Variants in PTPRN2 observed in about 807,000 individuals in gnomAD.
PTPRN2 encodes protein tyrosine phosphatase receptor type N2.
PTPRN2 carries 74 observed loss-of-function variants against 118.8 expected under a neutral mutation model. The ratio of observed to expected loss-of-function variants is 0.62; its 90% confidence interval spans 0.52 to 0.76. The LOEUF is 0.76. PTPRN2 is among the 30% of genes least tolerant of loss of function. The pLI, the probability that PTPRN2 is intolerant of heterozygous loss-of-function variation, is 0.00. For synonymous variants in PTPRN2, 641 were observed against 608.0 expected (o/e 1.05, Z -0.80); for missense variants, 1,481 against 1,394.4 (o/e 1.06, Z -0.99).
intron 2 of PTPRN2, among the ~76,000 whole-genome samples, chr7:158,469,523 G>A (rs760134904): frequency 4.1e-4 from 62 of 152,178 alleles, no homozygotes; most frequent in Non-Finnish European, 7.8e-4. Flanking sequence ...TAGTTCTTTT[G>A]CATCTTTTTA....
chr7:157,920,712 T>C (rs1371181446), intron 11 of PTPRN2, among the ~76,000 whole-genome samples: 1 of 152,230 alleles, frequency 6.6e-6, no homozygotes, highest in Non-Finnish European at 1.5e-5. Context: ...GCTGGACCAA[T>C]GGGATACTCA....
In PTPRN2 at chr7:158,337,002, C is replaced by A. The variant is rs538698510; in HGVS notation, c.164-20070G>T. Among the ~76,000 whole-genome samples the A allele has an allele frequency of 6.2e-5, 5 of 80,164 alleles. No homozygotes were observed. The Admixed American group carries it at 6.9e-4, about 11-fold the overall frequency. 52.6% of individuals were successfully genotyped at this position (80,164 alleles called of 152,430 possible). On this transcript the variant is annotated intron_variant, in intron 2 of 22. Coordinates refer to ENST00000389418, the MANE Select transcript of PTPRN2 (RefSeq NM_002847.5). ...GATGCCCGCAGACGTCACTCACACC[C>A]ACACTCTCACCATAAGAGCTGTCAC...
At chr7:158,130,757 ACATACT>A (rs1818142770) in intron 9 of PTPRN2, among the ~76,000 whole-genome samples, 5 of 149,396 alleles carry the variant, frequency 3.3e-5, no homozygotes, top group Admixed American at 2.0e-4. Flanking sequence ...CATCTACCTG[ACATACT>A]CATATACATA....
At chr7:158,566,873 A>G (rs112261213) in intron 1 of PTPRN2, among the ~76,000 whole-genome samples, 2,175 of 152,100 alleles carry the variant, frequency 0.014, 50 homozygotes, top group African/African-American at 0.05. Flanking sequence ...CCGCTACCAC[A>G]CCAAGCAAAT....
intron 9 of PTPRN2, among the ~76,000 whole-genome samples, chr7:158,122,806 C>T (rs959415949): frequency 6.6e-6 from 1 of 152,218 alleles, no homozygotes; most frequent in African/African-American, 2.4e-5. Context: ...CGTAGGTGCC[C>T]AGAAAGGTGG....
chr7:158,321,631 T>C (rs1803023999), intron 2 of PTPRN2, among the ~76,000 whole-genome samples: 1 of 152,212 alleles, frequency 6.6e-6, no homozygotes, highest in Non-Finnish European at 1.5e-5. Context: ...GGGCATTCCA[T>C]GCGCAACCTT....
chr7:157,563,818 C>T (rs1413923063), intron 21 of PTPRN2, among the ~76,000 whole-genome samples: 2 of 151,930 alleles, frequency 1.3e-5, no homozygotes, highest in South Asian at 2.1e-4. Flanking sequence ...CCACGTGCTC[C>T]CACGTCACCA....
intron 12 of PTPRN2, among the ~76,000 whole-genome samples, chr7:157,727,765 G>GT (rs1799681056): frequency 6.6e-6 from 1 of 152,240 alleles, no homozygotes; most frequent in Non-Finnish European, 1.5e-5. Flanking sequence ...CACGTAAAGT[G>GT]TGAGGCGTGA....
chr7:157,606,374 C>T lies in PTPRN2; in HGVS notation c.2345-2299G>A, dbSNP rs538007814. On this transcript the variant is annotated intron_variant, in intron 15 of 22. Transcript: ENST00000389418. ...GGGGTGGGGGTGGGGTCCTGCCTGC[C>T]GCGTGGAACAGGATGCCCAGGTTAC... Among the ~76,000 whole-genome samples the T allele has an allele frequency of 2.8e-4, 42 of 152,292 alleles. No homozygotes were observed. The South Asian group carries it at 4.8e-3, about 17-fold the overall frequency.
rs114472232 is a variant in PTPRN2, at chr7:158,276,225, T to C, written c.277+40594A>G. On this transcript the variant is annotated intron_variant, in intron 3 of 22. Coordinates refer to ENST00000389418, the MANE Select transcript of PTPRN2 (RefSeq NM_002847.5). Reference sequence around the variant, plus strand: ...GCCCTGGCCCCGGCAGGCTGTAAGGTAGCACCCCCACATCCCGGTCCTGGT... The same window carrying C: ...GCCCTGGCCCCGGCAGGCTGTAAGGCAGCACCCCCACATCCCGGTCCTGGT... 2.5e-3 allele frequency among the ~76,000 whole-genome samples: 182 copies of C among 73,438 alleles called. 5 individuals are homozygous for C. Among genetic ancestry groups the C allele is most frequent in the African/African-American group, 7.1e-3 (146 of 20,672 alleles). The allele number at this position is 73,438 out of a possible 152,430, so 48.2% of individuals were successfully genotyped here.
At chr7:158,274,912 G>C (rs1012555074) in intron 3 of PTPRN2, among the ~76,000 whole-genome samples, 9 of 152,200 alleles carry the variant, frequency 5.9e-5, no homozygotes, top group African/African-American at 2.2e-4. Flanking sequence ...TCAGGGATAA[G>C]ATCTCGACAA....
intron 12 of PTPRN2, among the ~76,000 whole-genome samples, chr7:157,748,003 G>C (rs1285783220): frequency 1.9e-4 from 18 of 95,816 alleles, no homozygotes; most frequent in African/African-American, 3.4e-4. Flanking sequence ...GAGCTGTGGG[G>C]TGTCCGGGTG....
chr7:158,188,925 G>A (rs890641356), intron 5 of PTPRN2, among the ~76,000 whole-genome samples: 2 of 152,162 alleles, frequency 1.3e-5, no homozygotes, highest in African/African-American at 2.4e-5. Flanking sequence ...AATGAGCACT[G>A]AGCTGCTGAG....
intron 11 of PTPRN2, among the ~76,000 whole-genome samples, chr7:157,965,672 T>C (rs1322650224): frequency 6.6e-6 from 1 of 152,074 alleles, no homozygotes; most frequent in African/African-American, 2.4e-5. Context: ...GATCAAGGTG[T>C]TCTTTTCTTA....
At chr7:158,028,417 C>A (rs1234663826) in intron 11 of PTPRN2, 1 of 152,352 alleles carries the variant, frequency 6.6e-6, no homozygotes, top group East Asian at 1.9e-4. Flanking sequence ...CGGTTTCCTC[C>A]TTTCCCTCCT....
chr7:157,852,437 C>T (rs886601011), intron 12 of PTPRN2, among the ~76,000 whole-genome samples: 1 of 152,234 alleles, frequency 6.6e-6, no homozygotes, highest in African/African-American at 2.4e-5. Flanking sequence ...TAAGCCAAGT[C>T]TCCTACCCTC....
intron 1 of PTPRN2, among the ~76,000 whole-genome samples, chr7:158,519,330 A>G (rs1353377366): frequency 6.6e-6 from 1 of 152,152 alleles, no homozygotes; most frequent in Non-Finnish European, 1.5e-5. Context: ...TGTGTGAGAC[A>G]CTCAGTTGGC....
At chr7:157,792,141 G>T (rs1202074255) in intron 12 of PTPRN2, among the ~76,000 whole-genome samples, 8 of 152,208 alleles carry the variant, frequency 5.3e-5, no homozygotes, top group African/African-American at 1.9e-4. Context: ...CCGCTCAATC[G>T]AGTGACTCTT....
intron 2 of PTPRN2, among the ~76,000 whole-genome samples, chr7:158,320,798 G>T (rs1802952581): frequency 6.6e-6 from 1 of 152,154 alleles, no homozygotes; most frequent in African/African-American, 2.4e-5. Context: ...GTGACCAGAA[G>T]GAAGGAGCCC....
Sources: allele counts gnomAD v4.1 joint callset (sites outside exome capture counted in the v4.1 genomes callset), GRCh38; gene constraint gnomAD v4.1.1; transcripts MANE v1.5; gene names NCBI Gene and HGNC (gene_info 2026-07-23, HGNC 2026-07-21).